Variants in CHAF1A observed in about 807,000 individuals in gnomAD.
CHAF1A encodes chromatin assembly factor 1 subunit A.
A neutral mutation model predicts 93.2 loss-of-function variants in CHAF1A; 5 were observed. The ratio of observed to expected loss-of-function variants is 0.05; its 90% CI spans 0.03 to 0.11. The LOEUF (loss-of-function observed/expected upper bound fraction) is 0.11. CHAF1A is among the 10% of genes least tolerant of loss of function. The probability of loss-of-function intolerance (pLI) is 1.00; values close to 1 mark genes in which losing one functional copy is unlikely to be tolerated. For missense variants in CHAF1A, 1,102 were observed against 1,259.9 expected, an observed-to-expected ratio of 0.87 and a Z score of 1.90; for synonymous variants, 504 against 510.3, an observed-to-expected ratio of 0.99 and a Z score of 0.17.
intron 12 of CHAF1A, 113 bp downstream of exon 12, chr19:4,432,320 A>G: frequency 8.1e-7 from 1 of 1,239,814 alleles, no homozygotes; most frequent in South Asian, 1.5e-5. Context: ...CTTTCCACAA[A>G]TAACAGAGGC....
intron 7 of CHAF1A, 54 bp downstream of exon 7, chr19:4,423,928 T>A (rs988056580): frequency 6.5e-7 from 1 of 1,542,474 alleles, no homozygotes; most frequent in African/African-American, 1.4e-5. Flanking sequence ...GACTTTTCCT[T>A]TCTGAAAGTG....
chr19:4,417,094 C>G (rs1973908447), intron 3 of CHAF1A, among the ~76,000 whole-genome samples: 1 of 152,080 alleles, frequency 6.6e-6, no homozygotes, highest in Non-Finnish European at 1.5e-5. Flanking sequence ...ACCCCAGACT[C>G]CTGGGTAGCT....
At chr19:4,416,918 G>A (rs572028550) in intron 3 of CHAF1A, among the ~76,000 whole-genome samples, 1 of 152,214 alleles carries the variant, frequency 6.6e-6, no homozygotes, top group South Asian at 2.1e-4. Flanking sequence ...AAAATAAAAA[G>A]CAGAGTTGAG....
chr19:4,426,434 C>G (rs1974083107), intron 7 of CHAF1A, among the ~76,000 whole-genome samples: 2 of 152,098 alleles, frequency 1.3e-5, no homozygotes, highest in African/African-American at 4.8e-5. Flanking sequence ...TCCCAAAGGG[C>G]TGGGATTACA....
chr19:4,417,562 G>A (rs910500302), intron 3 of CHAF1A, among the ~76,000 whole-genome samples: 4 of 147,696 alleles, frequency 2.7e-5, no homozygotes, highest in African/African-American at 9.8e-5. Flanking sequence ...CTGGGTTCAA[G>A]CGATTCTTCT....
rs1363610473 is a variant in CHAF1A at position 4,422,842 on chromosome 19, A to G, written c.1247+47A>G. The G allele has an allele frequency of 6.4e-7, 1 of 1,573,026 alleles. No homozygotes were observed. The highest frequency in any genetic ancestry group is 8.7e-7 in the Non-Finnish European group (1 of 1,147,208). ...GCTGGGCCCGCCACCCTGCTGCTGG[A>G]TTCCGCTCCTGGCCACTCTGATGGG... On this transcript the variant is annotated intron_variant, in intron 5 of 14. Transcript: ENST00000301280. This position sits in a 1 kb window ranked among gnomAD's most constrained non-coding sequence, Gnocchi z 4.6.
rs1441299279 is a variant in CHAF1A, at chr19:4,442,264, A to T, written c.2693A>T (p.Asp898Val). ...HDGQIGAEDMDGFQADTEEEE... is the reference protein window; with the variant it reads ...HDGQIGAEDMVGFQADTEEEE... ...GTCCAGATTGGTGCTGAAGACATGG[A>T]CGGCTTCCAGGCAGACACGGAGGAG... Residue 898 changes from aspartate (D) to valine (V), a missense_variant, in exon 14 of 15, where the codon GAC becomes GTC. Around this residue, in one of 6 missense-constraint regions of CHAF1A, gnomAD observed 119 missense variants for 102.2 expected, o/e 1.16. Coordinates refer to ENST00000301280, the MANE Select transcript of CHAF1A (RefSeq NM_005483.3). 6.2e-7 allele frequency: 1 copy of T among 1,613,978 alleles called. No homozygotes were observed. The highest frequency in any genetic ancestry group is 2.2e-5 in the East Asian group (1 of 44,880).
At chr19:4,410,333 C>T (rs890457239) in intron 3 of CHAF1A, among the ~76,000 whole-genome samples, 1 of 151,524 alleles carries the variant, frequency 6.6e-6, no homozygotes, top group Non-Finnish European at 1.5e-5. Flanking sequence ...GCTTGAAGAT[C>T]ACTTCAAAAC....
downstream of CHAF1A, chr19:4,449,340 A>AC (rs1397527450): frequency 6.6e-6 from 1 of 151,000 alleles, no homozygotes; most frequent in East Asian, 2.0e-4. Flanking sequence ...TCCACCCACC[A>AC]CCCCCCACCC....
chr19:4,439,056 G>A (rs1213407425), intron 13 of CHAF1A, among the ~76,000 whole-genome samples: 6 of 151,976 alleles, frequency 3.9e-5, no homozygotes, highest in South Asian at 2.1e-4. Context: ...CGAGGCAGGC[G>A]GATCACTTGA....
Position 4,423,835 on chromosome 19 carries a change from G to A in CHAF1A, c.1338G>A (p.Thr446=), listed in dbSNP as rs747868301. 16 of 1,614,088 alleles carry A rather than the reference G, an allele frequency of 9.9e-6. No individual in the cohort carries two copies. Among genetic ancestry groups the A allele is most frequent in the Non-Finnish European group, 1.3e-5 (15 of 1,179,992 alleles). Residue 446 remains threonine (T), a synonymous_variant, in exon 7 of 15, where the codon ACG becomes ACA. Coordinates refer to ENST00000301280, the MANE Select transcript of CHAF1A (RefSeq NM_005483.3). Reference sequence around the variant, plus strand: ...TTAAAGCAGAGAAGGCCGAAATCACGAGGTTCTTCCAGAAACCAAAGACTC... The same window carrying A: ...TTAAAGCAGAGAAGGCCGAAATCACAAGGTTCTTCCAGAAACCAAAGACTC... ...KRIKAEKAEI[T]RFFQKPKTPQ...
At chr19:4,430,742 C>A (rs553109107) in intron 11 of CHAF1A, 101 bp downstream of exon 11, 4 of 1,252,452 alleles carry the variant, frequency 3.2e-6, no homozygotes, top group Non-Finnish European at 4.6e-6. Flanking sequence ...CCCAGCCCAA[C>A]CATACGAGAT....
chr19:4,446,747 CTG>C (rs1440232853), downstream of CHAF1A: 1 of 1,610,044 alleles, frequency 6.2e-7, no homozygotes, highest in East Asian at 2.2e-5. Context: ...ATGGGTGTCA[CTG>C]TGCAATGGAG....
In CHAF1A at chr19:4,432,078, G is replaced by A. The variant is rs1974193787; in HGVS notation, c.2074G>A (p.Ala692Thr). Residue 692 changes from alanine to threonine, a missense_variant, in exon 12 of 15, where the codon GCT becomes ACT. Around this residue, in one of 6 missense-constraint regions of CHAF1A, gnomAD observed 335 missense variants for 361.9 expected, o/e 0.93. Coordinates refer to ENST00000301280, the MANE Select transcript of CHAF1A (RefSeq NM_005483.3). ...TGTGAAGATCGGCTGCGTGTGGGCG[G>A]CTGACAGAGACTGCGCAGGCGATGA... Reference protein sequence around the residue: ...QPVKIGCVWAADRDCAGDDLK... With the variant: ...QPVKIGCVWATDRDCAGDDLK... 5 of 1,613,996 alleles carry A rather than the reference G, an allele frequency of 3.1e-6. No individual in the cohort carries two copies. The highest frequency in any genetic ancestry group is 4.2e-6 in the Non-Finnish European group (5 of 1,180,000).
At chr19:4,410,095 A>G (rs1973765571) in intron 3 of CHAF1A, among the ~76,000 whole-genome samples, 1 of 152,138 alleles carries the variant, frequency 6.6e-6, no homozygotes, top group African/African-American at 2.4e-5. Flanking sequence ...CCCTCACTTC[A>G]GATTCGAGGT....
rs953431445 is a variant in CHAF1A at position 4,426,119 on chromosome 19, C to T, written c.1377+2245C>T. Among the ~76,000 whole-genome samples, 8 of 147,880 alleles carry T rather than the reference C, an allele frequency of 5.4e-5. 1 individual carries two copies. The South Asian group carries it at 1.5e-3, about 28-fold the overall frequency. Reference sequence around the variant, plus strand: ...TTTTTTTTAACATAGTCTAGTATTTCATTCTCCGTGATATTTCGTCTCAGC... The same window carrying T: ...TTTTTTTTAACATAGTCTAGTATTTTATTCTCCGTGATATTTCGTCTCAGC... On this transcript the variant is annotated intron_variant, in intron 7 of 14. Transcript: ENST00000301280.
At chr19:4,439,205 A>G (rs1380078181) in intron 13 of CHAF1A, among the ~76,000 whole-genome samples, 3 of 148,328 alleles carry the variant, frequency 2.0e-5, no homozygotes, top group African/African-American at 7.5e-5. Context: ...ACTTGAACTC[A>G]GGAGGTGGAG....
chr19:4,414,111 A>G (rs1458282147), intron 3 of CHAF1A, among the ~76,000 whole-genome samples: 1 of 152,304 alleles, frequency 6.6e-6, no homozygotes, highest in East Asian at 1.9e-4. Context: ...TGTTTAAAAG[A>G]AATACTGGTC....
chr19:4,423,198 C>T, intron 5 of CHAF1A, 137 bp from the exon 6 acceptor site: 1 of 1,298,092 alleles, frequency 7.7e-7, no homozygotes, highest in Non-Finnish European at 1.0e-6. Context: ...ATGTAAAAGC[C>T]TTATACTAGA....
Sources: allele counts gnomAD v4.1 joint callset (sites outside exome capture counted in the v4.1 genomes callset), GRCh38; gene constraint gnomAD v4.1.1; regional missense constraint gnomAD v4.1.1; non-coding constraint Gnocchi (gnomAD v3.1); transcripts MANE v1.5; gene names NCBI Gene and HGNC (gene_info 2026-07-23, HGNC 2026-07-21).